CACNA2D1: variants seen among roughly 807,000 people sequenced by gnomAD.
CACNA2D1 encodes the protein voltage-dependent calcium channel subunit alpha-2/delta-1.
In CACNA2D1, 53 loss-of-function variants were observed where a neutral mutation model predicts 171.5. The observed-to-expected ratio is 0.31, with a 90% CI of 0.25 to 0.39. The LOEUF (loss-of-function observed/expected upper bound fraction) is 0.39. Ranked by LOEUF, CACNA2D1 falls within the 10% of genes least tolerant of loss-of-function variation. CACNA2D1 has a pLI of 1.00. For synonymous variants in CACNA2D1, 442 were observed against 443.1 expected (o/e 1.00, Z 0.03); for missense variants, 903 against 1,299.8 (o/e 0.69, Z 4.69).
chr7:82,382,357 T>C (rs558916540), intron 1 of CACNA2D1, among the ~76,000 whole-genome samples: 100 of 152,350 alleles, frequency 6.6e-4, no homozygotes, highest in African/African-American at 2.3e-3. Flanking sequence ...TTATTTTGAC[T>C]GTAAAGCATT....
intron 4 of CACNA2D1, among the ~76,000 whole-genome samples, chr7:82,156,517 T>C (rs1278600323): frequency 6.6e-6 from 1 of 152,152 alleles, no homozygotes; most frequent in Non-Finnish European, 1.5e-5. Flanking sequence ...GCAAGTAATA[T>C]ATTGTTAGTC....
rs37135 is a variant in CACNA2D1 at position 82,013,318 on chromosome 7, A to C, written c.1272+143T>G. ...TTAATGAAATAAAACCAATGTATCA[A>C]CAAGATACTCAGTATTTTAATATAG... On this transcript the variant is annotated intron_variant, in intron 14 of 38. Coordinates refer to ENST00000356860, the MANE Select transcript of CACNA2D1 (RefSeq NM_000722.4). The C allele has an allele frequency of 0.48, 118,180 of 248,038 alleles. 31,134 individuals carry two copies. The highest frequency in any genetic ancestry group is 0.78 in the African/African-American group (34,358 of 44,198). The allele number at this position is 248,038 out of a possible 1,614,324, so 15.4% of individuals were successfully genotyped here.
chr7:82,180,413 T>C (rs1288010551), intron 3 of CACNA2D1, among the ~76,000 whole-genome samples: 2 of 152,154 alleles, frequency 1.3e-5, no homozygotes, highest in Non-Finnish European at 2.9e-5. Flanking sequence ...CGCTACCTAC[T>C]GTGCCATGAG....
intron 3 of CACNA2D1, among the ~76,000 whole-genome samples, chr7:82,212,138 T>C (rs982319365): frequency 2.6e-5 from 4 of 152,146 alleles, no homozygotes; most frequent in African/African-American, 4.8e-5. Context: ...CAGGAGAATT[T>C]AGCCAGAAGG....
chr7:82,196,153 A>G (rs1798833257), intron 3 of CACNA2D1, among the ~76,000 whole-genome samples: 1 of 152,072 alleles, frequency 6.6e-6, no homozygotes, highest in South Asian at 2.1e-4. Flanking sequence ...GCTTCAAAGT[A>G]GAAGATTAGC....
In CACNA2D1 at chr7:81,962,010, A is replaced by G; in HGVS notation, c.2850T>C (p.Asp950=). 1.2e-6 allele frequency: 2 copies of G among 1,612,418 alleles called. No homozygotes were observed. The highest frequency in any genetic ancestry group is 1.7e-6 in the Non-Finnish European group (2 of 1,179,016). The change falls in exon 36 of 39, where the codon GAT becomes GAC. Residue 950 remains aspartate (D), a synonymous_variant. Transcript: ENST00000356860. ...TGGACAGGGAGGCCGTGAAGTCATCATCCTCCATCTCAACTTGGGTGGCGG... is the reference window on the plus strand; with the variant it reads ...TGGACAGGGAGGCCGTGAAGTCATCGTCCTCCATCTCAACTTGGGTGGCGG... ...PRLLEAVEME[D]DDFTASLSKQ... is the part of the protein sequence containing the mutation.
chr7:82,078,652 T>G (rs911399074), intron 7 of CACNA2D1, among the ~76,000 whole-genome samples: 1 of 152,186 alleles, frequency 6.6e-6, no homozygotes, highest in African/African-American at 2.4e-5. Flanking sequence ...CTACTTATCT[T>G]GCAAAACAAA....
chr7:82,115,597 G>T (rs767970006), intron 6 of CACNA2D1, among the ~76,000 whole-genome samples: 1 of 151,468 alleles, frequency 6.6e-6, no homozygotes, highest in Non-Finnish European at 1.5e-5. Context: ...TAAAATCAAA[G>T]AATTGATAGG....
At chr7:81,983,396 G>C in intron 22 of CACNA2D1, 62 bp from the exon 23 acceptor site, 1 of 1,236,490 alleles carries the variant, frequency 8.1e-7, no homozygotes, top group Non-Finnish European at 1.2e-6. Flanking sequence ...TAAAGCAAAG[G>C]GGGTCATAAA....
At chr7:82,266,002 ACTGT>A (rs1382416283) in intron 3 of CACNA2D1, among the ~76,000 whole-genome samples, 3 of 152,152 alleles carry the variant, frequency 2.0e-5, no homozygotes, top group African/African-American at 4.8e-5. Context: ...AGCTCATTAA[ACTGT>A]CTATTTGATC....
chr7:82,120,377 T>C (rs1789573023), intron 5 of CACNA2D1, among the ~76,000 whole-genome samples: 1 of 152,228 alleles, frequency 6.6e-6, no homozygotes, highest in African/African-American at 2.4e-5. Context: ...AATACAGATA[T>C]TACTGATTTT....
At chr7:82,198,294 A>G (rs988157583) in intron 3 of CACNA2D1, among the ~76,000 whole-genome samples, 1 of 152,104 alleles carries the variant, frequency 6.6e-6, no homozygotes, top group African/African-American at 2.4e-5. Flanking sequence ...TGGAGCACAA[A>G]GTACTATGCT....
intron 9 of CACNA2D1, among the ~76,000 whole-genome samples, chr7:82,063,777 T>A (rs886138274): frequency 3.3e-5 from 5 of 152,134 alleles, no homozygotes; most frequent in Admixed American, 2.6e-4. Context: ...ATATCTTGAA[T>A]TGAAGCACTA....
At chr7:82,418,457 A>T (rs1828400871) in intron 1 of CACNA2D1, among the ~76,000 whole-genome samples, 1 of 152,194 alleles carries the variant, frequency 6.6e-6, no homozygotes. Flanking sequence ...TTCTTTGTAG[A>T]AAGAAGAAAA....
intron 3 of CACNA2D1, among the ~76,000 whole-genome samples, chr7:82,271,492 CTTGTCAAA>C (rs1357092709): frequency 3.3e-5 from 5 of 152,024 alleles, no homozygotes; most frequent in African/African-American, 1.2e-4. Context: ...CCCATTATCA[CTTGTCAAA>C]TTTCACACAT....
intron 3 of CACNA2D1, among the ~76,000 whole-genome samples, chr7:82,258,685 A>G (rs1377482368): frequency 6.6e-6 from 1 of 152,126 alleles, no homozygotes; most frequent in East Asian, 1.9e-4. Context: ...TCTTCAAAAG[A>G]CGATGTTCTC....
chr7:81,973,408 G>C (rs941837117), intron 25 of CACNA2D1, among the ~76,000 whole-genome samples: 5 of 152,046 alleles, frequency 3.3e-5, no homozygotes, highest in African/African-American at 1.2e-4. Context: ...ACTAATCTGT[G>C]CTAAAGTGAA....
intron 1 of CACNA2D1, among the ~76,000 whole-genome samples, chr7:82,353,007 G>C (rs1198487497): frequency 6.6e-6 from 1 of 152,142 alleles, no homozygotes; most frequent in Non-Finnish European, 1.5e-5. Context: ...ATTAGAAAAT[G>C]AGAAGTCAGA....
In CACNA2D1 at chr7:81,982,643, T is replaced by G. The variant is rs1264208581; in HGVS notation, c.1895-16A>C. The G allele has an allele frequency of 2.6e-6, 4 of 1,525,666 alleles. No individual in the cohort carries two copies. The highest frequency in any genetic ancestry group is 3.6e-6 in the Non-Finnish European group (4 of 1,100,052). The allele number at this position is 1,525,666 out of a possible 1,614,324, so 94.5% of individuals were successfully genotyped here. ...GTTTCCGAATCTGCAAAGATAATGT[T>G]ACAGGATTAGATAGGTAATTCAGAG... On this transcript the variant is annotated splice_polypyrimidine_tract_variant and intron_variant, in intron 23 of 38. Transcript: ENST00000356860.
Sources: gnomAD v4.1 joint callset for allele counts (sites outside exome capture counted in the v4.1 genomes callset) on GRCh38, gnomAD v4.1.1 for gene constraint, MANE v1.5 for transcripts, NCBI Gene and HGNC (gene_info 2026-07-23, HGNC 2026-07-21) for gene names.